ACAN: variants seen among roughly 807,000 people sequenced by gnomAD.
ACAN encodes aggrecan, also known as aggrecan core protein.
A neutral mutation model predicts 169.1 loss-of-function variants in ACAN; 47 were observed. The ratio of observed to expected loss-of-function variants is 0.28; its 90% CI spans 0.22 to 0.35. The LOEUF (loss-of-function observed/expected upper bound fraction) is 0.35, where lower values mean the gene tolerates loss of function less well. Ranked by LOEUF, ACAN falls within the 10% of genes least tolerant of loss-of-function variation. The pLI is 1.00. For synonymous variants in ACAN, 1,115 were observed against 1,112.2 expected (o/e 1.00, Z -0.05); for missense variants, 2,716 against 2,759.9 (o/e 0.98, Z 0.36).
chr15:88,840,668 T>C (rs926359764), intron 4 of ACAN, among the ~76,000 whole-genome samples: 1 of 151,436 alleles, frequency 6.6e-6, no homozygotes, highest in South Asian at 2.1e-4. Flanking sequence ...CAAGATGATA[T>C]CACCCATTTC....
rs767716936 is a variant in ACAN at position 88,858,204 on chromosome 15, T to G, written c.5619T>G (p.Asp1873Glu). 1.1e-5 allele frequency: 18 copies of G among 1,613,966 alleles called. No homozygotes were observed. The highest frequency in any genetic ancestry group is 6.7e-5 in the East Asian group (3 of 44,888). Residue 1873 changes from aspartate (D) to glutamate (E), a missense_variant, in exon 12 of 19, where the codon GAT (aspartate) becomes GAG (glutamate). By Grantham distance (45) the Asp-to-Glu change is conservative (BLOSUM62 2). Transcript: ENST00000560601. The surrounding 1 kb of genome is among the most constrained non-coding windows in gnomAD (Gnocchi z 4.0). ...ADLSGKSGMV[D>E]VSGQFSGTVD... Reference sequence around the variant, plus strand: ...TGTCAGGCAAATCTGGGATGGTGGATGTCAGTGGACAGTTTTCTGGAACAG... The same window carrying G: ...TGTCAGGCAAATCTGGGATGGTGGAGGTCAGTGGACAGTTTTCTGGAACAG...
chr15:88,855,135 C>A lies in ACAN; in HGVS notation c.2550C>A (p.Ser850Arg). The change falls in exon 12 of 19, where the codon AGC becomes AGA. Residue 850 changes from serine to arginine, a missense_variant. By Grantham distance (110) the Ser-to-Arg change is moderately radical. Around this residue, in one of 3 missense-constraint regions of ACAN, gnomAD observed 1,283 missense variants for 1,281.5 expected, o/e 1.00. Coordinates refer to ENST00000560601, the MANE Select transcript of ACAN (RefSeq NM_001369268.1). ...EPYTPSPPVP[S>R]WTELPSSGEE... ...ATACACCTTCACCCCCCGTGCCCAG[C>A]TGGACTGAGCTGCCCAGCTCTGGGG... 1 of 1,608,682 alleles carries A rather than the reference C, an allele frequency of 6.2e-7. No individual in the cohort carries two copies. Among genetic ancestry groups the A allele is most frequent in the Non-Finnish European group, 8.5e-7 (1 of 1,176,860 alleles).
At chr15:88,810,039 C>G (rs1895780115) in intron 1 of ACAN, among the ~76,000 whole-genome samples, 1 of 152,112 alleles carries the variant, frequency 6.6e-6, no homozygotes, top group Non-Finnish European at 1.5e-5. Context: ...AACACTGGAG[C>G]AGAAAGGGAT....
At chr15:88,815,656 TA>T (rs58267198) in intron 1 of ACAN, among the ~76,000 whole-genome samples, 13,804 of 54,572 alleles carry the variant, frequency 0.25, 975 homozygotes, top group Admixed American at 0.34. Flanking sequence ...CTGCACTGAT[TA>T]AAAAAAAAAA....
At chr15:88,865,092 T>C (rs1897259575) in intron 13 of ACAN, among the ~76,000 whole-genome samples, 1 of 152,232 alleles carries the variant, frequency 6.6e-6, no homozygotes, top group South Asian at 2.1e-4. Context: ...CTGGCCTTTA[T>C]CAGGGGCTCT....
At chr15:88,831,684 T>G (rs1370740666) in intron 1 of ACAN, among the ~76,000 whole-genome samples, 11 of 152,230 alleles carry the variant, frequency 7.2e-5, no homozygotes, top group Non-Finnish European at 1.3e-4. Context: ...TGGGCTCCAC[T>G]TCCAACCTAC....
rs1354758718 is a variant in ACAN at position 88,807,662 on chromosome 15, T to G, written c.-8+3853T>G. On this transcript the variant is annotated intron_variant, in intron 1 of 18. Transcript: ENST00000560601. This position sits in a 1 kb window ranked among gnomAD's most constrained non-coding sequence, Gnocchi z 4.0. Reference sequence around the variant, plus strand: ...TTGTAGAGAAAACGGTAAAACGGTTTCTTTTTTCAAAAGTTGAATCCAGGG... The same window carrying G: ...TTGTAGAGAAAACGGTAAAACGGTTGCTTTTTTCAAAAGTTGAATCCAGGG... 6.6e-6 allele frequency among the ~76,000 whole-genome samples: 1 copy of G among 152,136 alleles called. No individual in the cohort carries two copies. The highest frequency in any genetic ancestry group is 1.5e-5 in the Non-Finnish European group (1 of 68,022).
chr15:88,852,289 T>G (rs970186071), intron 11 of ACAN, among the ~76,000 whole-genome samples: 2 of 152,218 alleles, frequency 1.3e-5, no homozygotes, highest in African/African-American at 4.8e-5. Context: ...TTATTTCCCT[T>G]GCATGAACCC....
chr15:88,872,064 C>T lies in ACAN; in HGVS notation c.7281C>T (p.Arg2427=). 1.9e-6 allele frequency: 3 copies of T among 1,613,894 alleles called. No individual in the cohort carries two copies. The highest frequency in any genetic ancestry group is 2.5e-6 in the Non-Finnish European group (3 of 1,179,866). The change falls in exon 16 of 19, where the codon CGC becomes CGT. Residue 2427 remains arginine (R), a synonymous_variant. Coordinates refer to ENST00000560601, the MANE Select transcript of ACAN (RefSeq NM_001369268.1). The surrounding 1 kb of genome is among the most constrained non-coding windows in gnomAD (Gnocchi z 5.4). Reference sequence around the variant, plus strand: ...ACAGGACCATCGAAGGGGACTTCCGCTGGTCAGATGGACACCCCATGGTGA... The same window carrying T: ...ACAGGACCATCGAAGGGGACTTCCGTTGGTCAGATGGACACCCCATGGTGA... ...LNDRTIEGDF[R]WSDGHPMQFE...
chr15:88,874,013 C>A lies in ACAN; in HGVS notation c.7619C>A (p.Thr2540Asn). The A allele has an allele frequency of 6.2e-7, 1 of 1,610,820 alleles. No homozygotes were observed. The highest frequency in any genetic ancestry group is 2.2e-5 in the East Asian group (1 of 44,868). ...GGGCACTGGGAGGAGCCTCAGATCA[C>A]CTGCACAGACCGTGAGCATCACCCC... is the stretch of plus-strand genomic sequence containing the variant. ...PSGHWEEPQITCTDPTTYKRR... is the reference protein window; with the variant it reads ...PSGHWEEPQINCTDPTTYKRR... The change falls in exon 18 of 19, where the codon ACC (threonine) becomes AAC (asparagine). Residue 2540 changes from threonine to asparagine, a missense_variant. Physicochemically the swap from Thr to Asn is moderately conservative, Grantham distance 65. Coordinates refer to ENST00000560601, the MANE Select transcript of ACAN (RefSeq NM_001369268.1). This position sits in a 1 kb window ranked among gnomAD's most constrained non-coding sequence, Gnocchi z 7.3.
chr15:88,813,113 T>C (rs765549333), intron 1 of ACAN, among the ~76,000 whole-genome samples: 1 of 152,224 alleles, frequency 6.6e-6, no homozygotes, highest in Non-Finnish European at 1.5e-5. Context: ...GCCCCATCTG[T>C]CTTGGTCACT....
At chr15:88,828,840 T>G (rs2055332639) in intron 1 of ACAN, among the ~76,000 whole-genome samples, 1 of 152,190 alleles carries the variant, frequency 6.6e-6, no homozygotes, top group African/African-American at 2.4e-5. Context: ...GCCATTTTAG[T>G]CAGGGCCAAG....
rs1201433118 is a variant in ACAN at position 88,873,421 on chromosome 15, G to C, written c.7447+396G>C. Among the ~76,000 whole-genome samples the C allele has an allele frequency of 1.3e-5, 2 of 152,274 alleles. No individual in the cohort carries two copies. The highest frequency in any genetic ancestry group is 3.9e-4 in the East Asian group (2 of 5,168). ...CACAGAGTCATAGTTGTCAGGCCTC[G>C]ATCCTTTGGCTTTCAGTCTGTGGAC... On this transcript the variant is annotated intron_variant, in intron 17 of 18. Transcript: ENST00000560601. The surrounding 1 kb of genome is among the most constrained non-coding windows in gnomAD (Gnocchi z 7.5).
In ACAN at chr15:88,849,526, C is replaced by A; in HGVS notation, c.1821C>A (p.Thr607=). 1 of 1,606,402 alleles carries A rather than the reference C, an allele frequency of 6.2e-7. No homozygotes were observed. ...AATCTCACAATGCTACGCTGGCCAC[C>A]ACGGGCCAGCTCTACGCCGCCTGGA... ...FCESHNATLA[T]TGQLYAAWSR... is the part of the protein sequence containing the mutation. The change falls in exon 10 of 19, where the codon ACC becomes ACA. Residue 607 remains threonine (T), a synonymous_variant. Transcript: ENST00000560601. The surrounding 1 kb of genome is among the most constrained non-coding windows in gnomAD (Gnocchi z 5.1).
Position 88,851,787 on chromosome 15 carries a change from C to T in ACAN, c.2027-7C>T, listed in dbSNP as rs1400392. 1 of 1,575,936 alleles carries T rather than the reference C, an allele frequency of 6.3e-7. No homozygotes were observed. ...GGACTCACTCTGACCACCCACATCTCCTTTAGGCATTTCAGCGGTTCCTTC... is the reference window on the plus strand; with the variant it reads ...GGACTCACTCTGACCACCCACATCTTCTTTAGGCATTTCAGCGGTTCCTTC... On this transcript the variant is annotated splice_polypyrimidine_tract_variant and splice_region_variant and intron_variant, in intron 10 of 18. Transcript: ENST00000560601. This position sits in a 1 kb window ranked among gnomAD's most constrained non-coding sequence, Gnocchi z 4.3.
chr15:88,857,155 G>A lies in ACAN; in HGVS notation c.4570G>A (p.Asp1524Asn), dbSNP rs761198297. ...AGAGACCTCTGCTTCTGGAGTAGAG[G>A]ACCTCAGCAGGCTCCCTTCTGGAGA... ...GLETSASGVE[D>N]LSRLPSGEEV... The change falls in exon 12 of 19, where the codon GAC (aspartate) becomes AAC (asparagine). Residue 1524 changes from aspartate (D) to asparagine (N), a missense_variant. Around this residue, in one of 3 missense-constraint regions of ACAN, gnomAD observed 1,389 missense variants for 1,363.7 expected, o/e 1.02. Transcript: ENST00000560601. The A allele has an allele frequency of 2.5e-6, 4 of 1,612,358 alleles. No homozygotes were observed. In the South Asian group the frequency reaches 3.3e-5, roughly 13 times the overall value.
Position 88,858,369 on chromosome 15 carries a change from A to C in ACAN, c.5784A>C (p.Pro1928=). The C allele has an allele frequency of 6.2e-7, 1 of 1,613,920 alleles. No homozygotes were observed. Among genetic ancestry groups the C allele is most frequent in the Non-Finnish European group, 8.5e-7 (1 of 1,179,890 alleles). The change falls in exon 12 of 19, where the codon CCA becomes CCC. Residue 1928 remains proline (P), a synonymous_variant. Transcript: ENST00000560601. This position sits in a 1 kb window ranked among gnomAD's most constrained non-coding sequence, Gnocchi z 4.0. ...PSGAYYGSGT[P]SSFPTVSLVD... ...GAGCATATTATGGCAGTGGAACTCC[A>C]TCTAGTTTCCCCACTGTCTCTCTTG... is the stretch of plus-strand genomic sequence containing the variant.
At chr15:88,826,475 C>G (rs1403491102) in intron 1 of ACAN, among the ~76,000 whole-genome samples, 1 of 60,974 alleles carries the variant, frequency 1.6e-5, no homozygotes, top group Non-Finnish European at 3.1e-5. Context: ...GCAGGGGACC[C>G]CTGGAGACAC....
intron 1 of ACAN, among the ~76,000 whole-genome samples, chr15:88,829,314 A>C (rs1178621754): frequency 6.6e-6 from 1 of 152,204 alleles, no homozygotes; most frequent in Non-Finnish European, 1.5e-5. Flanking sequence ...CAATTTACAG[A>C]AGGGAAAACT....
Sources: allele counts gnomAD v4.1 joint callset (sites outside exome capture counted in the v4.1 genomes callset), GRCh38; gene constraint gnomAD v4.1.1; regional missense constraint gnomAD v4.1.1; non-coding constraint Gnocchi (gnomAD v3.1); transcripts MANE v1.5; gene names NCBI Gene and HGNC (gene_info 2026-07-23, HGNC 2026-07-21).